The following ZSCAN5A variants were observed in gnomAD, a reference collection of about 807,000 sequenced individuals.
The protein encoded by ZSCAN5A is zinc finger and SCAN domain-containing protein 5A.
In ZSCAN5A, 12 loss-of-function variants were observed where a neutral mutation model predicts 23.7. The ratio of observed to expected loss-of-function variants is 0.51; its 90% confidence interval spans 0.32 to 0.82. ZSCAN5A has a LOEUF of 0.82. Ranked by LOEUF, ZSCAN5A falls within the 40% of genes least tolerant of loss-of-function variation. ZSCAN5A has a pLI of 0.03. For missense variants in ZSCAN5A, 597 were observed against 617.9 expected, an observed-to-expected ratio of 0.97 and a Z score of 0.36; for synonymous variants, 257 against 239.9, an observed-to-expected ratio of 1.07 and a Z score of -0.66.
intron 2 of ZSCAN5A, among the ~76,000 whole-genome samples, chr19:56,325,224 A>G (rs1247217412): frequency 6.6e-6 from 1 of 152,152 alleles, no homozygotes; most frequent in Non-Finnish European, 1.5e-5. Context: ...CTACATTGCC[A>G]TTTACGTGGG....
At chr19:56,276,186 C>G (rs932541412) in intron 2 of ZSCAN5A, among the ~76,000 whole-genome samples, 2 of 152,206 alleles carry the variant, frequency 1.3e-5, no homozygotes, top group South Asian at 2.1e-4. Context: ...TGCAACCTCT[C>G]TGGCAATTCT....
intron 2 of ZSCAN5A, among the ~76,000 whole-genome samples, chr19:56,349,704 C>CA (rs3059533): frequency 0.023 from 716 of 30,926 alleles, 42 homozygotes; most frequent in African/African-American, 0.03. Context: ...AACTCCGTCT[C>CA]AAAAAAAAAA....
chr19:56,318,063 T>C (rs2041335956), upstream of ZSCAN5A: 1 of 152,192 alleles, frequency 6.6e-6, no homozygotes, highest in African/African-American at 2.4e-5. Context: ...TTTGGTAAGA[T>C]TCCATTGCCC....
chr19:56,227,459 A>G (rs575816725), intron 2 of ZSCAN5A, among the ~76,000 whole-genome samples: 9 of 152,134 alleles, frequency 5.9e-5, no homozygotes, highest in African/African-American at 1.9e-4. Context: ...CTTGAGCCCA[A>G]GTGTTTGATA....
chr19:56,263,931 C>CT (rs2037294831), intron 2 of ZSCAN5A, among the ~76,000 whole-genome samples: 1 of 150,586 alleles, frequency 6.6e-6, no homozygotes, highest in African/African-American at 2.5e-5. Flanking sequence ...CCCTAAAAGT[C>CT]TATGATTTTA....
chr19:56,273,839 C>A (rs2038041378), intron 2 of ZSCAN5A, among the ~76,000 whole-genome samples: 1 of 152,010 alleles, frequency 6.6e-6, no homozygotes, highest in Admixed American at 6.6e-5. Context: ...GGGTTTTCAG[C>A]AAAGGAGTGT....
intron 2 of ZSCAN5A, among the ~76,000 whole-genome samples, chr19:56,248,730 G>A (rs1379960012): frequency 1.3e-5 from 2 of 152,100 alleles, no homozygotes; most frequent in African/African-American, 4.8e-5. Context: ...ACCACGCCTG[G>A]CTAATGACTT....
At chr19:56,302,554 T>G (rs1363294599) in intron 2 of ZSCAN5A, among the ~76,000 whole-genome samples, 1 of 47,248 alleles carries the variant, frequency 2.1e-5, no homozygotes, top group Admixed American at 2.9e-4. Context: ...CGTTCCTCCC[T>G]CCCTCCCCCC....
chr19:56,337,501 A>C lies in ZSCAN5A; in HGVS notation c.-357-21233T>G, dbSNP rs183201113. Among the ~76,000 whole-genome samples, 448 of 152,324 alleles carry C rather than the reference A, an allele frequency of 2.9e-3. 6 individuals carry two copies. The highest frequency in any genetic ancestry group is 4.6e-3 in the South Asian group (22 of 4,830). On this transcript the variant is annotated intron_variant, in intron 2 of 6. Coordinates refer to the ZSCAN5A transcript ENST00000587340. ...TCTGTTACCCCTTTCTTTGACTAGG[A>C]AAGGGAATTCCCTGACCCCTTGTGC...
At chr19:56,290,733 C>T (rs907234113) in intron 2 of ZSCAN5A, among the ~76,000 whole-genome samples, 10 of 152,102 alleles carry the variant, frequency 6.6e-5, no homozygotes, top group African/African-American at 2.2e-4. Flanking sequence ...AATAGTTTTA[C>T]GATATTGAAT....
chr19:56,302,547 T>C (rs2040357351), intron 2 of ZSCAN5A, among the ~76,000 whole-genome samples: 2 of 78,856 alleles, frequency 2.5e-5, no homozygotes, highest in Non-Finnish European at 4.6e-5. Flanking sequence ...TCCTCCCCGT[T>C]CCTCCCTCCC....
chr19:56,309,502 T>C (rs2040897387), intron 2 of ZSCAN5A, among the ~76,000 whole-genome samples: 1 of 152,228 alleles, frequency 6.6e-6, no homozygotes, highest in African/African-American at 2.4e-5. Context: ...AGAAACTTTA[T>C]TAAAAGGGAT....
At chr19:56,285,029 G>A in intron 2 of ZSCAN5A, 2 of 985,286 alleles carry the variant, frequency 2.0e-6, no homozygotes, top group Non-Finnish European at 2.4e-6. Flanking sequence ...CGGATGGTAA[G>A]TGTCAGGATT....
At chr19:56,365,241 T>C (rs2041757364) in intron 1 of ZSCAN5A, among the ~76,000 whole-genome samples, 1 of 152,204 alleles carries the variant, frequency 6.6e-6, no homozygotes, top group African/African-American at 2.4e-5. Flanking sequence ...TGTTTGGCTA[T>C]AGAAAAAAGA....
intron 2 of ZSCAN5A, chr19:56,342,493 C>G: frequency 2.5e-6 from 1 of 396,902 alleles, no homozygotes; most frequent in Non-Finnish European, 5.1e-6. Context: ...TGGGCTGGAA[C>G]AGTAAGCACT....
intron 2 of ZSCAN5A, among the ~76,000 whole-genome samples, chr19:56,335,705 T>C (rs2041529081): frequency 6.6e-6 from 1 of 152,272 alleles, no homozygotes; most frequent in South Asian, 2.1e-4. Context: ...TTTGGCTTGT[T>C]TTTGCAGTGG....
chr19:56,224,500 A>G (rs2146404259), intron 3 of ZSCAN5A, 163 bp downstream of exon 3: 1 of 1,046,536 alleles, frequency 9.6e-7, no homozygotes, highest in East Asian at 2.4e-5. Flanking sequence ...CCTGACAACA[A>G]AAACTGTCCC....
intron 2 of ZSCAN5A, among the ~76,000 whole-genome samples, chr19:56,300,162 A>C (rs961817602): frequency 6.6e-6 from 1 of 152,240 alleles, no homozygotes; most frequent in African/African-American, 2.4e-5. Context: ...GAAGAGAAAG[A>C]AAATAGTTTT....
At chr19:56,344,796 G>A (rs201518591) in intron 2 of ZSCAN5A, among the ~76,000 whole-genome samples, 6 of 150,500 alleles carry the variant, frequency 4.0e-5, no homozygotes, top group Middle Eastern at 3.4e-3. Flanking sequence ...CCAGCTACTC[G>A]GGAGGCTGAG....
Sources: gnomAD v4.1 joint callset for allele counts (sites outside exome capture counted in the v4.1 genomes callset) on GRCh38, gnomAD v4.1.1 for gene constraint, MANE v1.5 for transcripts, NCBI Gene and HGNC (gene_info 2026-07-23, HGNC 2026-07-21) for gene names.